The following STON1 variants were observed in gnomAD, a reference collection of about 807,000 sequenced individuals.
STON1 encodes the protein stonin-1.
Under a neutral mutation model 60.9 loss-of-function variants are expected in STON1, and 79 were observed. The ratio of observed to expected loss-of-function variants is 1.30; its 90% CI spans 1.08 to 1.56. STON1 has a LOEUF of 1.56. Among genes scored for constraint, STON1 ranks in the 40% most tolerant of loss-of-function variants. STON1 has a pLI of 0.00. For synonymous variants in STON1, 363 were observed against 306.9 expected (o/e 1.18, Z -1.91); for missense variants, 1,166 against 858.9 (o/e 1.36, Z -4.47).
intron 1 of STON1, among the ~76,000 whole-genome samples, chr2:48,555,602 C>A (rs1672314278): frequency 2.2e-5 from 1 of 44,798 alleles, no homozygotes; most frequent in African/African-American, 9.4e-5. Flanking sequence ...GGGGGGCTGA[C>A]CCCCCCACCT....
Position 48,591,677 on chromosome 2 carries a change from C to T in STON1, c.1955C>T (p.Ser652Leu), listed in dbSNP as rs1449995066. Residue 652 changes from serine to leucine, a missense_variant, in exon 3 of 4, where the codon TCA becomes TTA. Coordinates refer to ENST00000404752, the MANE Select transcript of STON1 (RefSeq NM_006873.4). ...GGTCTAGATCATCCCCATTGTCTGT[C>T]ATACAAATTAGAGCTTGGATCAGAC... ...NSSLDHPHCL[S>L]YKLELGSDQE... is the part of the protein sequence containing the mutation. The T allele has an allele frequency of 1.2e-6, 2 of 1,614,004 alleles. No homozygotes were observed. The highest frequency in any genetic ancestry group is 3.3e-5 in the Admixed American group (2 of 59,996).
chr2:48,575,762 T>TG (rs1191668662), intron 1 of STON1, among the ~76,000 whole-genome samples: 3,060 of 145,126 alleles, frequency 0.021, 207 homozygotes, highest in African/African-American at 0.072. Context: ...TTTGTTTGTT[T>TG]TTTTTTTTTT....
chr2:48,583,798 G>C (rs1432364121), intron 2 of STON1, among the ~76,000 whole-genome samples: 1 of 150,024 alleles, frequency 6.7e-6, no homozygotes, highest in African/African-American at 2.5e-5. Flanking sequence ...TCTCACCCAG[G>C]TGGAGTGCGG....
intron 2 of STON1, among the ~76,000 whole-genome samples, chr2:48,591,431 T>C (rs1191664848): frequency 1.3e-5 from 2 of 152,114 alleles, no homozygotes; most frequent in African/African-American, 4.8e-5. Context: ...AGTAATGAAG[T>C]TGTACTTGTT....
At chr2:48,564,483 C>CTTTT (rs1558604823) in intron 1 of STON1, among the ~76,000 whole-genome samples, 1 of 26,406 alleles carries the variant, frequency 3.8e-5, no homozygotes, top group African/African-American at 1.5e-4. Flanking sequence ...CTTCTTCTTT[C>CTTTT]TTCTTCTTCT....
chr2:48,588,732 G>C (rs1484797672), intron 2 of STON1, among the ~76,000 whole-genome samples: 1 of 152,050 alleles, frequency 6.6e-6, no homozygotes, highest in Non-Finnish European at 1.5e-5. Flanking sequence ...GAATTTGAGG[G>C]ATCAGGATTG....
chr2:48,582,015 T>C lies in STON1; in HGVS notation c.1382T>C (p.Leu461Pro), dbSNP rs755743458. 1.2e-6 allele frequency: 2 copies of C among 1,614,186 alleles called. No homozygotes were observed. Among genetic ancestry groups the C allele is most frequent in the South Asian group, 1.1e-5 (1 of 91,076 alleles). The change falls in exon 2 of 4, where the codon CTT (leucine) becomes CCT (proline). Residue 461 changes from leucine (L) to proline (P), a missense_variant. Leu to Pro is a moderately conservative substitution (Grantham distance 98). Transcript: ENST00000404752. The part of the protein sequence containing the change: ...NLECFLTLND[L>P]ELPKRDESYY... ...GAATGCTTTTTAACCTTGAATGACC[T>C]TGAGTTGCCGAAGCGAGATGAATCC...
At chr2:48,557,382 C>G (rs1420095690) in intron 1 of STON1, among the ~76,000 whole-genome samples, 1 of 105,916 alleles carries the variant, frequency 9.4e-6, no homozygotes, top group Non-Finnish European at 2.1e-5. Flanking sequence ...CGATGGGCGG[C>G]CGAGCAGAGA....
intron 1 of STON1, among the ~76,000 whole-genome samples, chr2:48,577,255 T>A (rs970993936): frequency 6.6e-6 from 1 of 151,744 alleles, no homozygotes; most frequent in African/African-American, 2.4e-5. Context: ...AGACCAATGT[T>A]ATGAAGATTT....
In STON1 at chr2:48,556,248, C is replaced by G. The variant is rs1363469159; in HGVS notation, c.-47-24339C>G. On this transcript the variant is annotated intron_variant, in intron 1 of 3. Transcript: ENST00000404752. ...CCCCCCACCTCCCTCCCGGACGGGG[C>G]GGCTGGCCGGGCAGAGGGGCTCCTC... is the stretch of plus-strand genomic sequence containing the variant. Among the ~76,000 whole-genome samples the G allele has an allele frequency of 7.3e-4, 21 of 28,614 alleles. 1 individual carries two copies. Among genetic ancestry groups the G allele is most frequent in the African/African-American group, 2.7e-3 (21 of 7,688 alleles). The allele number at this position is 28,614 out of a possible 152,430, so 18.8% of individuals were successfully genotyped here.
At chr2:48,550,573 A>T (rs1672061413) in intron 1 of STON1, among the ~76,000 whole-genome samples, 1 of 148,382 alleles carries the variant, frequency 6.7e-6, no homozygotes, top group African/African-American at 2.5e-5. Context: ...GTATATATAT[A>T]TTATATATAT....
In STON1 at chr2:48,598,494, T is replaced by G. The variant is rs1183838881; in HGVS notation, c.*3192T>G. On this transcript the variant is annotated 3_prime_UTR_variant, in exon 4 of 4. Coordinates refer to ENST00000404752, the MANE Select transcript of STON1 (RefSeq NM_006873.4). ...GATTACATATTGATTTTTCAAAAAT[T>G]AAAAATGTATTTCAAACTATTCTTA... The G allele has an allele frequency of 6.6e-6, 1 of 152,614 alleles. No homozygotes were observed. The highest frequency in any genetic ancestry group is 1.5e-5 in the Non-Finnish European group (1 of 68,018). The allele number at this position is 152,614 out of a possible 1,614,324, so 9.5% of individuals were successfully genotyped here. A position where few individuals can be genotyped will look rare whatever the true frequency, so the allele number is the denominator to read the frequency against.
intron 1 of STON1, among the ~76,000 whole-genome samples, chr2:48,571,579 A>G (rs144424449): frequency 3.3e-5 from 5 of 152,328 alleles, no homozygotes; most frequent in African/African-American, 9.6e-5. Context: ...CTCAAAGTGC[A>G]TAGGGTAAAG....
chr2:48,567,697 C>G (rs1673005969), intron 1 of STON1, among the ~76,000 whole-genome samples: 1 of 152,228 alleles, frequency 6.6e-6, no homozygotes, highest in Non-Finnish European at 1.5e-5. Context: ...GCCACTGCAC[C>G]TGGCCAGGAA....
rs776975589 is a variant in STON1, at chr2:48,582,042, A to T, written c.1409A>T (p.Tyr470Phe). The change falls in exon 2 of 4, where the codon TAT (tyrosine) becomes TTT (phenylalanine). Residue 470 changes from tyrosine (Y) to phenylalanine (F), a missense_variant. Transcript: ENST00000404752. ...DLELPKRDES[Y>F]YEKDSEKKGI... ...GAGTTGCCGAAGCGAGATGAATCCT[A>T]TTATGAGAAGGACTCAGAAAAAAAG... 6.2e-7 allele frequency: 1 copy of T among 1,614,158 alleles called. No homozygotes were observed. The highest frequency in any genetic ancestry group is 8.5e-7 in the Non-Finnish European group (1 of 1,180,036).
intron 1 of STON1, among the ~76,000 whole-genome samples, chr2:48,551,842 C>T (rs1672119788): frequency 6.6e-6 from 1 of 152,238 alleles, no homozygotes; most frequent in African/African-American, 2.4e-5. Context: ...ATCCCCTGTG[C>T]TGGAGTTGCT....
At chr2:48,535,280 A>C (rs1370812727) in intron 1 of STON1, among the ~76,000 whole-genome samples, 5 of 152,244 alleles carry the variant, frequency 3.3e-5, no homozygotes, top group Non-Finnish European at 7.3e-5. Context: ...TGAACACACA[A>C]CAATAAATTA....
intron 1 of STON1, among the ~76,000 whole-genome samples, chr2:48,540,639 C>A (rs902364299): frequency 6.6e-6 from 1 of 152,234 alleles, no homozygotes; most frequent in African/African-American, 2.4e-5. Context: ...ACCTAAGTAA[C>A]TTTCCCTGAG....
intron 1 of STON1, among the ~76,000 whole-genome samples, chr2:48,555,452 G>C (rs1408389056): frequency 1.1e-5 from 1 of 94,974 alleles, no homozygotes; most frequent in Non-Finnish European, 2.2e-5. Context: ...CAGGGGGGCT[G>C]ACCCCCCCCA....
Sources: allele counts gnomAD v4.1 joint callset (sites outside exome capture counted in the v4.1 genomes callset), GRCh38; gene constraint gnomAD v4.1.1; transcripts MANE v1.5; gene names NCBI Gene and HGNC (gene_info 2026-07-23, HGNC 2026-07-21).